The following RAB3B variants were observed in gnomAD, a reference collection of about 807,000 sequenced individuals.
RAB3B encodes ras-related protein Rab-3B.
RAB3B carries 11 observed loss-of-function variants against 20.5 expected under a neutral mutation model. The observed-to-expected ratio is 0.54, with a 90% confidence interval of 0.34 to 0.89. The LOEUF (loss-of-function observed/expected upper bound fraction) is 0.89, where lower values mean the gene tolerates loss of function less well. RAB3B is among the 40% of genes least tolerant of loss of function. The pLI is 0.02. For synonymous variants in RAB3B, 99 were observed against 106.3 expected (o/e 0.93, Z 0.42); for missense variants, 225 against 280.9 (o/e 0.80, Z 1.42).
At chr1:51,923,441 T>C (rs188021290) in intron 4 of RAB3B, among the ~76,000 whole-genome samples, 180 of 151,994 alleles carry the variant, frequency 1.2e-3, no homozygotes, top group Admixed American at 3.5e-3. Context: ...TCAGGCTGGG[T>C]GCAGTGGCTC....
chr1:51,958,034 T>C (rs1684733946), intron 2 of RAB3B, among the ~76,000 whole-genome samples: 1 of 152,168 alleles, frequency 6.6e-6, no homozygotes, highest in Admixed American at 6.5e-5. Flanking sequence ...CCCTTTCTCT[T>C]CTCTCTTACC....
intron 2 of RAB3B, among the ~76,000 whole-genome samples, chr1:51,938,794 G>C (rs1413167354): frequency 6.6e-6 from 1 of 151,428 alleles, no homozygotes; most frequent in Non-Finnish European, 1.5e-5. Flanking sequence ...TCCCACCTCA[G>C]CCTCCTGAGT....
intron 2 of RAB3B, among the ~76,000 whole-genome samples, chr1:51,967,050 C>T (rs919340639): frequency 2.6e-5 from 4 of 152,170 alleles, no homozygotes; most frequent in Admixed American, 1.3e-4. Flanking sequence ...CAGTGGCTCA[C>T]GCCCGTAATC....
At chr1:51,925,533 C>T (rs985382996) in intron 4 of RAB3B, among the ~76,000 whole-genome samples, 2 of 152,194 alleles carry the variant, frequency 1.3e-5, no homozygotes, top group Non-Finnish European at 2.9e-5. Context: ...GTCTCTACTC[C>T]CCCAGCTTCA....
intron 4 of RAB3B, among the ~76,000 whole-genome samples, chr1:51,921,341 A>G (rs1257905121): frequency 6.6e-6 from 1 of 152,114 alleles, no homozygotes; most frequent in Non-Finnish European, 1.5e-5. Flanking sequence ...CCTCACAATA[A>G]CCAGTTGGGT....
chr1:51,949,403 G>A (rs1484512452), intron 2 of RAB3B, among the ~76,000 whole-genome samples: 1 of 152,204 alleles, frequency 6.6e-6, no homozygotes, highest in East Asian at 1.9e-4. Flanking sequence ...GCTCACAGAA[G>A]GAGACACCCC....
intron 2 of RAB3B, among the ~76,000 whole-genome samples, chr1:51,961,024 C>G (rs1243767674): frequency 6.6e-6 from 1 of 152,170 alleles, no homozygotes; most frequent in African/African-American, 2.4e-5. Flanking sequence ...TATTTTACAG[C>G]TGAGGAAACA....
chr1:51,966,016 A>C (rs1445843636), intron 2 of RAB3B, among the ~76,000 whole-genome samples: 2 of 152,202 alleles, frequency 1.3e-5, no homozygotes, highest in Non-Finnish European at 2.9e-5. Flanking sequence ...TCTGCAATGC[A>C]TTTCAATGTG....
chr1:51,920,878 T>TG (rs1684163785), intron 4 of RAB3B, among the ~76,000 whole-genome samples: 1 of 152,182 alleles, frequency 6.6e-6, no homozygotes, highest in African/African-American at 2.4e-5. Flanking sequence ...TTCCACTCAG[T>TG]GGGGTTCCTC....
chr1:51,988,091 G>C (rs1188222257), intron 1 of RAB3B, among the ~76,000 whole-genome samples: 1 of 152,002 alleles, frequency 6.6e-6, no homozygotes. Context: ...AAAAAATTCA[G>C]GTATAAGTGA....
At chr1:51,956,455 T>C (rs143436880) in intron 2 of RAB3B, among the ~76,000 whole-genome samples, 151 of 152,312 alleles carry the variant, frequency 9.9e-4, no homozygotes, top group Non-Finnish European at 1.6e-3. Context: ...GTTTAACCCC[T>C]AAGTTATACT....
intron 1 of RAB3B, chr1:51,980,930 A>C: frequency 2.3e-6 from 1 of 427,910 alleles, no homozygotes; most frequent in Non-Finnish European, 4.2e-6. Context: ...TTATTTGTTA[A>C]TTTAAAAGGT....
intron 1 of RAB3B, among the ~76,000 whole-genome samples, chr1:51,979,268 C>CTTTTTTT (rs112504777): frequency 7.3e-6 from 1 of 136,640 alleles, no homozygotes. Context: ...AGGCATTATG[C>CTTTTTTT]TTTTTTTTTT....
Position 51,916,332 on chromosome 1 carries a change from A to C in RAB3B, c.*3595T>G, listed in dbSNP as rs1018184354. On this transcript the variant is annotated 3_prime_UTR_variant, in exon 5 of 5. Transcript: ENST00000371655. ...GCTCCTGAGTTTTACAGAATTTGAC[A>C]GTTTTAAAGAAAACGATTTCATCTT... 6 of 152,218 alleles carry C rather than the reference A, an allele frequency of 3.9e-5. No individual in the cohort carries two copies. Among genetic ancestry groups the C allele is most frequent in the Non-Finnish European group, 8.8e-5 (6 of 68,038 alleles). The allele number at this position is 152,218 out of a possible 1,614,324, so 9.4% of individuals were successfully genotyped here.
At chr1:51,969,196 C>T (rs1269332586) in intron 2 of RAB3B, among the ~76,000 whole-genome samples, 2 of 152,260 alleles carry the variant, frequency 1.3e-5, no homozygotes, top group East Asian at 3.9e-4. Context: ...ACTGGTGAGG[C>T]TAAGGTGGGA....
At chr1:51,965,769 A>G (rs1684843553) in intron 2 of RAB3B, among the ~76,000 whole-genome samples, 1 of 152,204 alleles carries the variant, frequency 6.6e-6, no homozygotes, top group Non-Finnish European at 1.5e-5. Context: ...TTGTGGAAAA[A>G]AAACTAGTGA....
chr1:51,924,754 C>A (rs891676838), intron 4 of RAB3B, among the ~76,000 whole-genome samples: 20 of 152,134 alleles, frequency 1.3e-4, no homozygotes, highest in African/African-American at 4.6e-4. Flanking sequence ...CAGAATAACC[C>A]CAAATGCACC....
At chr1:51,978,108 C>T (rs1685033631) in intron 1 of RAB3B, among the ~76,000 whole-genome samples, 1 of 152,190 alleles carries the variant, frequency 6.6e-6, no homozygotes, top group Non-Finnish European at 1.5e-5. Context: ...TGCCAGCTTC[C>T]CTGTGCTCCC....
chr1:51,954,687 G>C (rs1684683208), intron 2 of RAB3B, among the ~76,000 whole-genome samples: 1 of 152,180 alleles, frequency 6.6e-6, no homozygotes, highest in South Asian at 2.1e-4. Context: ...AAAAAATAGA[G>C]AAGCCTGAAA....
Sources: allele counts gnomAD v4.1 joint callset (sites outside exome capture counted in the v4.1 genomes callset), GRCh38; gene constraint gnomAD v4.1.1; transcripts MANE v1.5; gene names NCBI Gene and HGNC (gene_info 2026-07-23, HGNC 2026-07-21).